Variants in RTL4 observed in about 807,000 individuals in gnomAD.
RTL4 encodes retrotransposon Gag like 4, also known as retrotransposon Gag-like protein 4.
RTL4 carries 4 observed loss-of-function variants against 5.3 expected under a neutral mutation model. That is an observed-to-expected ratio of 0.75 (90% CI 0.37 to 1.72). The LOEUF is 1.72. Among genes scored for constraint, RTL4 ranks in the 40% most tolerant of loss-of-function variants. The pLI is 0.04. For synonymous variants in RTL4, 98 were observed against 87.3 expected, an observed-to-expected ratio of 1.12 and a Z score of -0.68; for missense variants, 260 against 227.1, an observed-to-expected ratio of 1.14 and a Z score of -0.93.
At chrX:112,384,334 G>T in the RTL4 span, among the ~76,000 whole-genome samples, 3 of 111,901 alleles carry the variant, frequency 2.7e-5, no homozygotes, top group Non-Finnish European at 3.8e-5. Flanking sequence ...GGTTTTTATG[G>T]TTTTGGGTTT....
chrX:112,104,185 A>G, the RTL4 span, among the ~76,000 whole-genome samples: 3 of 112,154 alleles, frequency 2.7e-5, no homozygotes, highest in African/African-American at 9.7e-5. Context: ...TTTATCTAAC[A>G]TATTGTCCTC....
the RTL4 span, among the ~76,000 whole-genome samples, chrX:112,429,822 A>G: frequency 1.8e-5 from 2 of 110,276 alleles, no homozygotes; most frequent in South Asian, 7.6e-4. Flanking sequence ...ATAGAATTCT[A>G]TGTTGGGAGA....
the RTL4 span, among the ~76,000 whole-genome samples, chrX:112,305,358 T>G: frequency 2.8e-5 from 3 of 106,740 alleles, no homozygotes; most frequent in African/African-American, 1.0e-4. Context: ...TTTATTTTAT[T>G]TTTATTTATT....
At chrX:112,113,282 G>C in the RTL4 span, among the ~76,000 whole-genome samples, 2 of 110,398 alleles carry the variant, frequency 1.8e-5, no homozygotes, top group Non-Finnish European at 3.8e-5. Context: ...GACAACAAAT[G>C]GGTAACTTGT....
At chrX:112,343,639 T>C in the RTL4 span, among the ~76,000 whole-genome samples, 1 of 111,958 alleles carries the variant, frequency 8.9e-6, no homozygotes, top group East Asian at 2.8e-4. Context: ...ATTGCAGCAT[T>C]TTCCAACTTG....
chrX:112,348,517 C>G, the RTL4 span, among the ~76,000 whole-genome samples: 1,014 of 110,163 alleles, frequency 9.2e-3, 16 homozygotes, highest in African/African-American at 0.032. Context: ...CATACACCCA[C>G]AGAAGGAACA....
At chrX:112,192,557 T>C in the RTL4 span, among the ~76,000 whole-genome samples, 4 of 111,753 alleles carry the variant, frequency 3.6e-5, no homozygotes, top group African/African-American at 1.3e-4. Context: ...TCTATGTGAT[T>C]AATTTAGGAA....
chrX:112,319,296 T>C, the RTL4 span, among the ~76,000 whole-genome samples: 1 of 111,504 alleles, frequency 9.0e-6, no homozygotes, highest in African/African-American at 3.3e-5. Context: ...AGTCAGAAAA[T>C]GGGTTCCCCT....
chrX:112,239,988 CA>C, the RTL4 span, among the ~76,000 whole-genome samples: 3 of 111,956 alleles, frequency 2.7e-5, no homozygotes, highest in Non-Finnish European at 5.6e-5. Context: ...CAAGCATCAA[CA>C]ATGAGATGAT....
At chrX:112,154,687 C>T in the RTL4 span, among the ~76,000 whole-genome samples, 1 of 111,763 alleles carries the variant, frequency 8.9e-6, no homozygotes, top group African/African-American at 3.2e-5. Context: ...TTTGTAAAAT[C>T]GTTGGGACAT....
At chrX:112,437,220 A>C in the RTL4 span, among the ~76,000 whole-genome samples, 1 of 111,642 alleles carries the variant, frequency 9.0e-6, no homozygotes. Context: ...CCAATTAAGA[A>C]GCTGATGCTT....
chrX:112,116,969 G>A, the RTL4 span, among the ~76,000 whole-genome samples: 1 of 111,440 alleles, frequency 9.0e-6, no homozygotes, highest in Non-Finnish European at 1.9e-5. Flanking sequence ...AAGGAGTTCT[G>A]GTTATACATT....
chrX:112,311,578 C>A, the RTL4 span, among the ~76,000 whole-genome samples: 2 of 111,045 alleles, frequency 1.8e-5, no homozygotes, highest in African/African-American at 6.5e-5. Context: ...CTCCCTCCTC[C>A]CCTGCCTGCT....
At chrX:112,307,304 G>C in the RTL4 span, among the ~76,000 whole-genome samples, 1 of 111,866 alleles carries the variant, frequency 8.9e-6, no homozygotes, top group Non-Finnish European at 1.9e-5. Flanking sequence ...TTGAAATTCA[G>C]AAAGGTTAAC....
At chrX:112,196,945 AT>A in the RTL4 span, among the ~76,000 whole-genome samples, 1 of 110,053 alleles carries the variant, frequency 9.1e-6, no homozygotes, top group Admixed American at 9.6e-5. Flanking sequence ...GATAATGGCC[AT>A]GCTAACAGCA....
At chrX:112,297,453 G>A in the RTL4 span, among the ~76,000 whole-genome samples, 1 of 111,207 alleles carries the variant, frequency 9.0e-6, no homozygotes, top group African/African-American at 3.3e-5. Flanking sequence ...AGAGAGCAAA[G>A]GGGAAGGTGC....
chrX:112,353,565 C>G, the RTL4 span, among the ~76,000 whole-genome samples: 11 of 110,735 alleles, frequency 9.9e-5, no homozygotes, highest in Admixed American at 1.1e-3. Flanking sequence ...CCATCATTCT[C>G]AGCAAACTAT....
the RTL4 span, among the ~76,000 whole-genome samples, chrX:112,214,980 A>C: frequency 9.0e-6 from 1 of 110,594 alleles, no homozygotes; most frequent in African/African-American, 3.3e-5. Flanking sequence ...AGTAGAGACG[A>C]GGTTTCACCA....
At chrX:112,287,045 G>A in the RTL4 span, among the ~76,000 whole-genome samples, 1 of 111,656 alleles carries the variant, frequency 9.0e-6, no homozygotes, top group African/African-American at 3.3e-5. Flanking sequence ...TTTAATATCT[G>A]TCTGCCTCAC....
Sources: allele counts gnomAD v4.1 joint callset (sites outside exome capture counted in the v4.1 genomes callset), GRCh38; gene constraint gnomAD v4.1.1; transcripts MANE v1.5; gene names NCBI Gene and HGNC (gene_info 2026-07-23, HGNC 2026-07-21).